Variants in YEATS2 observed in about 807,000 individuals in gnomAD.
YEATS2 encodes the protein YEATS domain containing 2, also known as YEATS domain-containing protein 2.
A neutral mutation model predicts 163.2 loss-of-function variants in YEATS2; 77 were observed. The observed-to-expected ratio is 0.47, with a 90% CI of 0.39 to 0.57. The LOEUF (loss-of-function observed/expected upper bound fraction) is 0.57, where lower values mean the gene tolerates loss of function less well. YEATS2 is among the 20% of genes least tolerant of loss of function. The probability of loss-of-function intolerance (pLI) is 0.00; values close to 1 mark genes in which losing one functional copy is unlikely to be tolerated. For synonymous variants in YEATS2, 631 were observed against 645.1 expected (o/e 0.98, Z 0.33); for missense variants, 1,549 against 1,729.8 (o/e 0.90, Z 1.85).
chr3:183,803,378 C>G, intron 26 of YEATS2, 43 bp downstream of exon 26: 1 of 1,554,212 alleles, frequency 6.4e-7, no homozygotes, highest in Non-Finnish European at 8.8e-7. Flanking sequence ...CTCCAGAAAC[C>G]TTGTCTTATG....
chr3:183,806,802 G>A, intron 27 of YEATS2, 64 bp from the exon 28 acceptor site: 1 of 1,562,806 alleles, frequency 6.4e-7, no homozygotes, highest in Non-Finnish European at 8.8e-7. Context: ...TGGGTCTCTT[G>A]GAGACGGAAA....
At chr3:183,782,025 C>T (rs1723612940) in intron 19 of YEATS2, among the ~76,000 whole-genome samples, 1 of 152,128 alleles carries the variant, frequency 6.6e-6, no homozygotes, top group African/African-American at 2.4e-5. Flanking sequence ...TTATGTCTGG[C>T]TTCTGTTATT....
chr3:183,811,783 A>G lies in YEATS2; in HGVS notation c.*1200A>G, dbSNP rs900232566. On this transcript the variant is annotated 3_prime_UTR_variant, in exon 31 of 31. Transcript: ENST00000305135. The stretch of plus-strand genomic sequence containing the variant: ...CAGAACAAAGAATGCATGCCCAGTC[A>G]GAAATCTGTTCTATTCTGCTCCAGG... 6.6e-6 allele frequency: 1 copy of G among 152,286 alleles called. No homozygotes were observed. The highest frequency in any genetic ancestry group is 2.4e-5 in the African/African-American group (1 of 41,466). 9.4% of individuals were successfully genotyped at this position (152,286 alleles called of 1,614,324 possible).
intron 5 of YEATS2, among the ~76,000 whole-genome samples, chr3:183,724,124 A>G (rs1281585810): frequency 3.9e-5 from 6 of 152,216 alleles, no homozygotes; most frequent in Non-Finnish European, 8.8e-5. Context: ...GTTTCCCAGA[A>G]GTAACCACTG....
At chr3:183,721,326 A>G (rs1302232616) in intron 4 of YEATS2, among the ~76,000 whole-genome samples, 3 of 152,258 alleles carry the variant, frequency 2.0e-5, no homozygotes, top group Non-Finnish European at 2.9e-5. Flanking sequence ...TCCTAGGAAC[A>G]TAACTACAGT....
At chr3:183,805,408 A>G (rs1577229786) in intron 27 of YEATS2, among the ~76,000 whole-genome samples, 1 of 152,040 alleles carries the variant, frequency 6.6e-6, no homozygotes, top group African/African-American at 2.4e-5. Context: ...TCAATAAAAT[A>G]AAAAGAAAAG....
chr3:183,757,242 A>G (rs1453597016), intron 12 of YEATS2, among the ~76,000 whole-genome samples: 2 of 152,032 alleles, frequency 1.3e-5, no homozygotes, highest in Admixed American at 6.6e-5. Context: ...TTTCTCTAAC[A>G]TTATTTTATT....
Position 183,715,275 on chromosome 3 carries a change from C to T in YEATS2, c.100+13C>T. On this transcript the variant is annotated intron_variant, in intron 2 of 30. Coordinates refer to ENST00000305135, the MANE Select transcript of YEATS2 (RefSeq NM_018023.5). ...ATTGAGAATTCAGGTAGAAATCCTG[C>T]CTTAGGAAATTATTTCTTTATTGAC... 1 of 1,582,966 alleles carries T rather than the reference C, an allele frequency of 6.3e-7. No individual in the cohort carries two copies. The highest frequency in any genetic ancestry group is 8.6e-7 in the Non-Finnish European group (1 of 1,160,386).
chr3:183,717,611 AT>A (rs1716033357), intron 2 of YEATS2, 39 bp from the exon 3 acceptor site: 1 of 1,407,530 alleles, frequency 7.1e-7, no homozygotes, highest in African/African-American at 1.5e-5. Context: ...ACAGTCACTG[AT>A]TAATTAGGCC....
chr3:183,724,506 A>G lies in YEATS2; in HGVS notation c.625A>G (p.Thr209Ala), dbSNP rs773716820. 2 of 1,613,090 alleles carry G rather than the reference A, an allele frequency of 1.2e-6. No homozygotes were observed. The highest frequency in any genetic ancestry group is 1.1e-5 in the South Asian group (1 of 90,974). Residue 209 changes from threonine (T) to alanine (A), a missense_variant, in exon 6 of 31, where the codon ACA becomes GCA. Thr to Ala is a moderately conservative substitution (Grantham distance 58). Coordinates refer to ENST00000305135, the MANE Select transcript of YEATS2 (RefSeq NM_018023.5). ...GACTTCACGACTTTTTGTAAAGAAA[A>G]CAATAGTAGTGGGCAATGTGTCCAA... ...DETSRLFVKK[T>A]IVVGNVSKYI...
At chr3:183,729,484 A>G (rs962317358) in intron 7 of YEATS2, among the ~76,000 whole-genome samples, 4 of 152,182 alleles carry the variant, frequency 2.6e-5, no homozygotes, top group Non-Finnish European at 5.9e-5. Context: ...TAAATATAGT[A>G]TTCTAACATG....
chr3:183,792,989 G>T, intron 21 of YEATS2: 1 of 481,796 alleles, frequency 2.1e-6, no homozygotes, highest in Non-Finnish European at 3.3e-6. Flanking sequence ...TCTCAAACTT[G>T]AAAGTTCAGT....
At chr3:183,702,756 C>A (rs1338983734) in intron 1 of YEATS2, among the ~76,000 whole-genome samples, 1 of 151,808 alleles carries the variant, frequency 6.6e-6, no homozygotes, top group East Asian at 1.9e-4. Flanking sequence ...ATTTCTTGAA[C>A]CCGGGAGGCG....
chr3:183,783,364 A>T (rs1723757486), intron 19 of YEATS2, among the ~76,000 whole-genome samples: 1 of 152,218 alleles, frequency 6.6e-6, no homozygotes, highest in Admixed American at 6.5e-5. Context: ...AGCAAACTAC[A>T]GCCAAGGCTT....
At chr3:183,725,044 T>A (rs1014341363) in intron 6 of YEATS2, among the ~76,000 whole-genome samples, 1 of 135,786 alleles carries the variant, frequency 7.4e-6, no homozygotes, top group Non-Finnish European at 1.5e-5. Context: ...TGCCGGCCTT[T>A]TTTTTTTTTT....
intron 8 of YEATS2, among the ~76,000 whole-genome samples, chr3:183,745,412 C>G (rs554056072): frequency 1.1e-3 from 165 of 152,282 alleles, no homozygotes; most frequent in Non-Finnish European, 2.1e-3. Flanking sequence ...ACATTCTGCT[C>G]TAGCCATGGC....
At chr3:183,764,602 G>T (rs1435177637) in intron 15 of YEATS2, among the ~76,000 whole-genome samples, 1 of 152,026 alleles carries the variant, frequency 6.6e-6, no homozygotes, top group African/African-American at 2.4e-5. Flanking sequence ...CTGAGGTCAG[G>T]AGTTCGAGAT....
At chr3:183,738,389 TTC>T (rs1229581256) in intron 8 of YEATS2, among the ~76,000 whole-genome samples, 6 of 140,708 alleles carry the variant, frequency 4.3e-5, no homozygotes, top group Non-Finnish European at 7.6e-5. Flanking sequence ...AAAGGAAAAG[TTC>T]TTTTTTTTTT....
At chr3:183,807,769 G>A in intron 28 of YEATS2, 1 of 391,002 alleles carries the variant, frequency 2.6e-6, no homozygotes, top group Non-Finnish European at 4.6e-6. Flanking sequence ...TCCCAACCAT[G>A]TTCTCCCACG....
Sources: allele counts gnomAD v4.1 joint callset (sites outside exome capture counted in the v4.1 genomes callset), GRCh38; gene constraint gnomAD v4.1.1; transcripts MANE v1.5; gene names NCBI Gene and HGNC (gene_info 2026-07-23, HGNC 2026-07-21).